Variants in GABBR2 observed in about 807,000 individuals in gnomAD.
The protein encoded by GABBR2 is G-protein coupled receptor 51.
A neutral mutation model predicts 105.6 loss-of-function variants in GABBR2; 23 were observed. The observed-to-expected ratio is 0.22, with a 90% confidence interval of 0.16 to 0.31. GABBR2 has a LOEUF of 0.31. GABBR2 is among the 10% of genes least tolerant of loss of function. The probability of loss-of-function intolerance (pLI) is 1.00; values close to 1 mark genes in which losing one functional copy is unlikely to be tolerated. For missense variants in GABBR2, 734 were observed against 1,245.5 expected, an observed-to-expected ratio of 0.59 and a Z score of 6.18; for synonymous variants, 478 against 499.7, an observed-to-expected ratio of 0.96 and a Z score of 0.58.
chr9:98,394,433 A>T (rs1776096644), intron 8 of GABBR2, among the ~76,000 whole-genome samples, 178 bp from the exon 9 acceptor site: 1 of 152,110 alleles, frequency 6.6e-6, no homozygotes, highest in Admixed American at 6.5e-5. Flanking sequence ...AGGCTGGAAC[A>T]TTCTCTTGCA....
intron 1 of GABBR2, among the ~76,000 whole-genome samples, chr9:98,684,061 G>A (rs1830587334): frequency 6.8e-6 from 1 of 148,056 alleles, no homozygotes. Flanking sequence ...ATGGCCTAGT[G>A]GAATTTTGGG....
chr9:98,326,532 G>A (rs1318119891), intron 13 of GABBR2, among the ~76,000 whole-genome samples: 2 of 152,230 alleles, frequency 1.3e-5, no homozygotes, highest in African/African-American at 4.8e-5. Context: ...CCAATGGGCT[G>A]TGGGTGGAAG....
At chr9:98,610,635 G>A (rs1829492077) in intron 1 of GABBR2, among the ~76,000 whole-genome samples, 1 of 152,046 alleles carries the variant, frequency 6.6e-6, no homozygotes, top group Admixed American at 6.5e-5. Context: ...GTAGAGATTG[G>A]AACCCTGCAG....
intron 1 of GABBR2, among the ~76,000 whole-genome samples, chr9:98,682,120 G>A (rs1000344105): frequency 1.9e-4 from 29 of 151,590 alleles, no homozygotes; most frequent in Non-Finnish European, 4.4e-5. Context: ...CCAGCTACTC[G>A]GAAGGCTGAG....
rs74424413 is a variant in GABBR2, at chr9:98,481,177, T to C, written c.733-180A>G. Reference sequence around the variant, plus strand: ...GCCCAGCCTGGATTCTCTAGCCCTCTCCAGGGCTGGCTTTCCTGTGGCTCC... The same window carrying C: ...GCCCAGCCTGGATTCTCTAGCCCTCCCCAGGGCTGGCTTTCCTGTGGCTCC... On this transcript the variant is annotated intron_variant, in intron 4 of 18. Transcript: ENST00000259455. Among the ~76,000 whole-genome samples the C allele has an allele frequency of 7.6e-3, 1,160 of 152,270 alleles. 21 individuals carry two copies. Among genetic ancestry groups the C allele is most frequent in the African/African-American group, 0.026 (1,091 of 41,562 alleles).
intron 1 of GABBR2, among the ~76,000 whole-genome samples, chr9:98,628,793 C>T (rs1337264192): frequency 6.6e-6 from 1 of 152,066 alleles, no homozygotes; most frequent in African/African-American, 2.4e-5. Flanking sequence ...GAGTGTGTGT[C>T]CCCCTCCAGC....
At chr9:98,473,008 G>T in intron 6 of GABBR2, 138 bp downstream of exon 6, 1 of 671,126 alleles carries the variant, frequency 1.5e-6, no homozygotes, top group Non-Finnish European at 2.6e-6. Flanking sequence ...CATTTTACAG[G>T]TACAAGAGGC....
intron 14 of GABBR2, among the ~76,000 whole-genome samples, chr9:98,310,864 T>C (rs1830624684): frequency 6.6e-6 from 1 of 152,196 alleles, no homozygotes; most frequent in African/African-American, 2.4e-5. Context: ...CAGATGACCT[T>C]GGGCAAGACA....
intron 4 of GABBR2, among the ~76,000 whole-genome samples, chr9:98,487,359 A>G (rs927924874): frequency 2.0e-5 from 3 of 152,026 alleles, no homozygotes; most frequent in African/African-American, 7.2e-5. Flanking sequence ...TTCCCTAAGG[A>G]CTTTTTTTTG....
At chr9:98,341,375 C>T (rs111396459) in intron 13 of GABBR2, among the ~76,000 whole-genome samples, 22 of 152,344 alleles carry the variant, frequency 1.4e-4, no homozygotes, top group South Asian at 4.1e-4. Context: ...AATTAAATCT[C>T]GCCTGAAGTT....
intron 2 of GABBR2, among the ~76,000 whole-genome samples, chr9:98,563,557 G>GC (rs1292422895): frequency 6.6e-6 from 1 of 152,176 alleles, no homozygotes; most frequent in African/African-American, 2.4e-5. Context: ...CTAGGAATGG[G>GC]CCCAGAGTCT....
At chr9:98,624,889 TCA>T (rs1829714272) in intron 1 of GABBR2, among the ~76,000 whole-genome samples, 1 of 152,168 alleles carries the variant, frequency 6.6e-6, no homozygotes, top group Non-Finnish European at 1.5e-5. Flanking sequence ...TCTCTGGACC[TCA>T]GTTTCCCCAT....
At chr9:98,291,326 G>T (rs1225699087) in intron 18 of GABBR2, among the ~76,000 whole-genome samples, 1 of 152,156 alleles carries the variant, frequency 6.6e-6, no homozygotes, top group Non-Finnish European at 1.5e-5. Context: ...GTAAGTTGGG[G>T]ACTGTCTGTA....
chr9:98,326,990 G>T (rs572263302), intron 13 of GABBR2, among the ~76,000 whole-genome samples: 3 of 152,216 alleles, frequency 2.0e-5, no homozygotes, highest in Non-Finnish European at 4.4e-5. Flanking sequence ...TGATTGGAAG[G>T]CCTCGATGAA....
At chr9:98,572,487 A>G (rs2131774792) in intron 2 of GABBR2, among the ~76,000 whole-genome samples, 1 of 152,324 alleles carries the variant, frequency 6.6e-6, no homozygotes, top group East Asian at 1.9e-4. Flanking sequence ...CCATTTGTGA[A>G]GCTCTGTTTT....
At chr9:98,482,042 C>A (rs1367944777) in intron 4 of GABBR2, among the ~76,000 whole-genome samples, 1 of 152,192 alleles carries the variant, frequency 6.6e-6, no homozygotes, top group Non-Finnish European at 1.5e-5. Flanking sequence ...GGAGACCAGC[C>A]AGGCCCTGGC....
At chr9:98,427,072 T>C (rs993593647) in intron 7 of GABBR2, among the ~76,000 whole-genome samples, 1 of 152,280 alleles carries the variant, frequency 6.6e-6, no homozygotes, top group Middle Eastern at 3.4e-3. Flanking sequence ...GGGCTGCTGC[T>C]TTGATGGTCC....
intron 1 of GABBR2, among the ~76,000 whole-genome samples, chr9:98,594,283 C>T (rs1829195475): frequency 6.6e-6 from 1 of 152,234 alleles, no homozygotes; most frequent in South Asian, 2.1e-4. Context: ...TCTGGCCCGC[C>T]TCCCACCCCG....
chr9:98,316,072 C>G (rs1282226819), intron 13 of GABBR2, among the ~76,000 whole-genome samples: 1 of 152,240 alleles, frequency 6.6e-6, no homozygotes, highest in Non-Finnish European at 1.5e-5. Context: ...TCGGCCTCTT[C>G]TCTTCTGTAC....
Sources: allele counts gnomAD v4.1 joint callset (sites outside exome capture counted in the v4.1 genomes callset), GRCh38; gene constraint gnomAD v4.1.1; transcripts MANE v1.5; gene names NCBI Gene and HGNC (gene_info 2026-07-23, HGNC 2026-07-21).